Variants in DPH6 observed in about 807,000 individuals in gnomAD.
DPH6 encodes diphthamine biosynthesis 6.
In DPH6, 33 loss-of-function variants were observed where a neutral mutation model predicts 38.2. That is an observed-to-expected ratio of 0.86 (90% CI 0.65 to 1.15). DPH6 has a LOEUF of 1.15. Among genes scored for constraint, DPH6 ranks in the 50% most tolerant of loss-of-function variants. The pLI, the probability that DPH6 is intolerant of heterozygous loss-of-function variation, is 0.00. For synonymous variants in DPH6, 108 were observed against 103.0 expected (o/e 1.05, Z -0.30); for missense variants, 325 against 320.0 (o/e 1.02, Z -0.12).
chr15:35,479,536 C>A, intron 3 of DPH6, among the ~76,000 whole-genome samples: 1 of 152,068 alleles, frequency 6.6e-6, no homozygotes, highest in South Asian at 2.1e-4. Flanking sequence ...GGTTAAGACT[C>A]CTCCTCCAAG....
chr15:35,215,939 T>C (rs2051409259), downstream of DPH6, among the ~76,000 whole-genome samples: 2 of 152,252 alleles, frequency 1.3e-5, no homozygotes, highest in African/African-American at 4.8e-5. Flanking sequence ...TAAGTCATAT[T>C]ACTTTTAATT....
chr15:35,217,345 T>C (rs2051416138), exon 4 of DPH6: 1 of 152,080 alleles, frequency 6.6e-6, no homozygotes, highest in Non-Finnish European at 1.5e-5. Context: ...AATGTCCTTA[T>C]TTTTTATTTA....
chr15:35,457,060 T>C (rs1595381412), intron 3 of DPH6, among the ~76,000 whole-genome samples: 1 of 152,072 alleles, frequency 6.6e-6, no homozygotes, highest in East Asian at 1.9e-4. Flanking sequence ...TTCAAGCGAT[T>C]CTTCTGCCTC....
chr15:35,292,546 T>C (rs976138198), intron 3 of DPH6, among the ~76,000 whole-genome samples: 6 of 152,276 alleles, frequency 3.9e-5, no homozygotes, highest in African/African-American at 1.2e-4. Context: ...TAAGTCTTCA[T>C]TATTTTTTTC....
chr15:35,319,329 TA>T (rs968188659), intron 3 of DPH6, among the ~76,000 whole-genome samples: 2 of 152,024 alleles, frequency 1.3e-5, no homozygotes, highest in East Asian at 1.9e-4. Context: ...AAAAAAGCAT[TA>T]AAAAAAATCT....
At chr15:35,359,828 T>G (rs2052598705) in intron 3 of DPH6, among the ~76,000 whole-genome samples, 1 of 152,190 alleles carries the variant, frequency 6.6e-6, no homozygotes, top group African/African-American at 2.4e-5. Context: ...ATTGTATTCT[T>G]CAGTTCCAGG....
chr15:35,365,751 C>T (rs927094069), intron 3 of DPH6: 28 of 983,014 alleles, frequency 2.8e-5, no homozygotes, highest in Non-Finnish European at 3.3e-5. Flanking sequence ...AGTCCATTTA[C>T]TCGAGACAGA....
intron 3 of DPH6, among the ~76,000 whole-genome samples, chr15:35,283,191 C>T (rs1413278152): frequency 7.3e-6 from 1 of 137,446 alleles, no homozygotes; most frequent in Non-Finnish European, 1.5e-5. Flanking sequence ...TCTTTTTCTT[C>T]TCTTCTTCTT....
chr15:35,366,430 T>C (rs1357077389), downstream of DPH6, among the ~76,000 whole-genome samples: 2 of 151,992 alleles, frequency 1.3e-5, no homozygotes, highest in African/African-American at 2.4e-5. Flanking sequence ...AAGAATAACA[T>C]TTAAGTGTTT....
intron 3 of DPH6, among the ~76,000 whole-genome samples, chr15:35,515,261 C>T (rs765959630): frequency 2.0e-5 from 3 of 152,002 alleles, no homozygotes; most frequent in Non-Finnish European, 4.4e-5. Flanking sequence ...ATTTTACTGA[C>T]GCTCAAAGGA....
intron 3 of DPH6, among the ~76,000 whole-genome samples, chr15:35,313,770 G>C (rs2052164255): frequency 1.3e-5 from 2 of 152,038 alleles, no homozygotes; most frequent in Non-Finnish European, 2.9e-5. Flanking sequence ...TGTGCACAGG[G>C]CTATTCATAC....
At chr15:35,150,916 A>G in the DPH6 span, among the ~76,000 whole-genome samples, 1 of 152,196 alleles carries the variant, frequency 6.6e-6, no homozygotes, top group Non-Finnish European at 1.5e-5. Context: ...GCTCCAAATG[A>G]TGATGTTTCT....
chr15:35,269,162 A>C (rs898091749), intron 3 of DPH6, among the ~76,000 whole-genome samples: 4 of 152,206 alleles, frequency 2.6e-5, no homozygotes, highest in African/African-American at 9.6e-5. Flanking sequence ...ATGTTGGAAG[A>C]CTATTAGTTC....
chr15:35,431,855 T>G (rs2053636360), intron 5 of DPH6, among the ~76,000 whole-genome samples: 1 of 152,024 alleles, frequency 6.6e-6, no homozygotes, highest in African/African-American at 2.4e-5. Flanking sequence ...TGGCGCAATC[T>G]CGGCTCACTG....
intron 3 of DPH6, among the ~76,000 whole-genome samples, chr15:35,483,758 C>A (rs2054360090): frequency 6.6e-6 from 1 of 152,138 alleles, no homozygotes; most frequent in African/African-American, 2.4e-5. Flanking sequence ...AGCAGCATTA[C>A]ACATACTAGC....
At chr15:35,382,165 T>C (rs954000601) in intron 6 of DPH6, among the ~76,000 whole-genome samples, 3 of 152,076 alleles carry the variant, frequency 2.0e-5, no homozygotes, top group Non-Finnish European at 4.4e-5. Context: ...GCCAGGCGCG[T>C]TGGCTCACGC....
chr15:35,232,816 C>T (rs2051527417), intron 3 of DPH6, among the ~76,000 whole-genome samples: 1 of 152,166 alleles, frequency 6.6e-6, no homozygotes, highest in Non-Finnish European at 1.5e-5. Context: ...TATCTTAATT[C>T]TCATACTCAG....
At position 35,241,680 on chromosome 15, in the gene DPH6, C is replaced by T. The variant is rs1349372656; in HGVS notation, n.201-21098G>A. Reference sequence around the variant, plus strand: ...ACCTTAACCCACAAGTATAAGATACCTCTACTCCCTCCTTGTCGACCGATC... The same window carrying T: ...ACCTTAACCCACAAGTATAAGATACTTCTACTCCCTCCTTGTCGACCGATC... On this transcript the variant is annotated intron_variant and non_coding_transcript_variant, in intron 3 of 3. Transcript: ENST00000560386. Among the ~76,000 whole-genome samples, 2 of 141,614 alleles carry T rather than the reference C, an allele frequency of 1.4e-5. 1 individual carries two copies. The highest frequency in any genetic ancestry group is 3.1e-5 in the Non-Finnish European group (2 of 64,898). The allele number at this position is 141,614 out of a possible 152,430, so 92.9% of individuals were successfully genotyped here. A position where few individuals can be genotyped will look rare whatever the true frequency, so the allele number is the denominator to read the frequency against.
intron 3 of DPH6, among the ~76,000 whole-genome samples, chr15:35,235,918 T>C (rs1051948550): frequency 2.6e-5 from 4 of 152,194 alleles, no homozygotes; most frequent in African/African-American, 7.2e-5. Context: ...GTTATGAGTA[T>C]TTTCTTAGTT....
Sources: gnomAD v4.1 joint callset for allele counts (sites outside exome capture counted in the v4.1 genomes callset) on GRCh38, gnomAD v4.1.1 for gene constraint, MANE v1.5 for transcripts, NCBI Gene and HGNC (gene_info 2026-07-23, HGNC 2026-07-21) for gene names.